The following ST7 variants were observed in gnomAD, a reference collection of about 807,000 sequenced individuals.
ST7 encodes suppressor of tumorigenicity 7 protein.
A neutral mutation model predicts 78.7 loss-of-function variants in ST7; 28 were observed. The ratio of observed to expected loss-of-function variants is 0.36; its 90% CI spans 0.26 to 0.49. The LOEUF (loss-of-function observed/expected upper bound fraction) is 0.49. ST7 is among the 20% of genes least tolerant of loss of function. The pLI is 0.99. For missense variants in ST7, 418 were observed against 696.0 expected (o/e 0.60, Z 4.49); for synonymous variants, 247 against 249.6 (o/e 0.99, Z 0.10).
intron 7 of ST7, among the ~76,000 whole-genome samples, chr7:117,135,305 A>G (rs1804700418): frequency 6.6e-6 from 1 of 152,118 alleles, no homozygotes; most frequent in African/African-American, 2.4e-5. Context: ...GAGATGATAT[A>G]TGTTAAGTGC....
At chr7:116,973,641 C>T (rs929391314) in intron 1 of ST7, among the ~76,000 whole-genome samples, 5 of 152,122 alleles carry the variant, frequency 3.3e-5, no homozygotes, top group African/African-American at 9.7e-5. Context: ...TATTGGTAAC[C>T]ATTGTCCTGA....
At chr7:117,118,548 G>A (rs1803093714) in intron 2 of ST7, 2 of 152,174 alleles carry the variant, frequency 1.3e-5, no homozygotes, top group African/African-American at 4.8e-5. Context: ...GAATAAGTAA[G>A]GGTAAAGGTA....
At chr7:117,006,050 C>T (rs1404574929) in intron 1 of ST7, among the ~76,000 whole-genome samples, 1 of 152,174 alleles carries the variant, frequency 6.6e-6, no homozygotes, top group Non-Finnish European at 1.5e-5. Flanking sequence ...TAGCTCATGT[C>T]TGTGAAAACT....
At chr7:117,201,581 C>G (rs917014212) in intron 12 of ST7, among the ~76,000 whole-genome samples, 1 of 150,620 alleles carries the variant, frequency 6.6e-6, no homozygotes, top group African/African-American at 2.5e-5. Context: ...TTCCATGAGA[C>G]AGGGTCTTGC....
intron 1 of ST7, chr7:116,972,271 T>C (rs1793465219): frequency 1.8e-6 from 1 of 557,806 alleles, no homozygotes; most frequent in Non-Finnish European, 3.4e-6. Flanking sequence ...AATTGTATTT[T>C]CCAGCTTGGC....
chr7:116,973,959 C>A (rs1793569271), intron 1 of ST7, among the ~76,000 whole-genome samples: 1 of 152,148 alleles, frequency 6.6e-6, no homozygotes, highest in African/African-American at 2.4e-5. Context: ...GTAATGGGAT[C>A]AACTAGGGAA....
Position 116,953,623 on chromosome 7 carries a change from T to A in ST7, c.83T>A (p.Phe28Tyr). 6.6e-7 allele frequency: 1 copy of A among 1,513,778 alleles called. No homozygotes were observed. 93.8% of individuals were successfully genotyped at this position (1,513,778 alleles called of 1,614,324 possible). A position where few individuals can be genotyped will look rare whatever the true frequency, so the allele number is the denominator to read the frequency against. Residue 28 changes from phenylalanine to tyrosine, a missense_variant, in exon 1 of 16, where the codon TTC becomes TAC. Phe to Tyr is a conservative substitution (Grantham distance 22, BLOSUM62 3). Coordinates refer to ENST00000323984, the MANE Select transcript of ST7 (RefSeq NM_001369598.1). ...TGGACGTATCTGTGGACCGTGTGGT[T>A]CTTCATCGTGCTATTCCTGGTCTAC... is the stretch of plus-strand genomic sequence containing the variant. ...WSWTYLWTVW[F>Y]FIVLFLVYIL...
At chr7:117,058,828 G>A (rs1425681442) in intron 1 of ST7, among the ~76,000 whole-genome samples, 1 of 152,176 alleles carries the variant, frequency 6.6e-6, no homozygotes, top group East Asian at 1.9e-4. Context: ...TAAAGAAAAT[G>A]TGGTACATAT....
intron 1 of ST7, among the ~76,000 whole-genome samples, chr7:116,962,700 G>A (rs1020524866): frequency 6.6e-6 from 1 of 152,100 alleles, no homozygotes; most frequent in South Asian, 2.1e-4. Flanking sequence ...TGGGCAGATG[G>A]GTAGATTGCA....
intron 10 of ST7, among the ~76,000 whole-genome samples, chr7:117,184,654 A>G (rs1405309458): frequency 8.5e-5 from 13 of 152,196 alleles, no homozygotes; most frequent in South Asian, 6.2e-4. Flanking sequence ...ATAAAGGGGT[A>G]GCACCAGGGA....
chr7:117,067,524 C>T (rs779840457), intron 1 of ST7, among the ~76,000 whole-genome samples: 3 of 152,010 alleles, frequency 2.0e-5, no homozygotes, highest in Non-Finnish European at 4.4e-5. Context: ...TTGAAAATTA[C>T]TGAGAAGATA....
intron 2 of ST7, among the ~76,000 whole-genome samples, chr7:117,114,008 C>T (rs1307493258): frequency 1.3e-5 from 2 of 152,182 alleles, no homozygotes; most frequent in Admixed American, 6.5e-5. Context: ...TGGCTGTTGA[C>T]CTTGAAGAGA....
At chr7:117,020,447 G>C in intron 1 of ST7, 1 of 742,316 alleles carries the variant, frequency 1.3e-6, no homozygotes, top group Non-Finnish European at 2.1e-6. Flanking sequence ...GGAGAATCTG[G>C]CAGCTGGACA....
At chr7:117,047,541 G>A (rs1162397128) in intron 1 of ST7, among the ~76,000 whole-genome samples, 2 of 152,154 alleles carry the variant, frequency 1.3e-5, no homozygotes, top group Admixed American at 1.3e-4. Flanking sequence ...TGCATGTCTA[G>A]CTGCAATCCA....
At chr7:117,218,941 C>G in intron 13 of ST7, 143 bp from the exon 14 acceptor site, 1 of 623,666 alleles carries the variant, frequency 1.6e-6, no homozygotes, top group Non-Finnish European at 2.8e-6. Flanking sequence ...GACATTTCAT[C>G]TGGCACATAG....
intron 8 of ST7, 164 bp downstream of exon 8, chr7:117,136,399 G>A: frequency 1.3e-6 from 1 of 766,200 alleles, no homozygotes; most frequent in Non-Finnish European, 2.1e-6. Flanking sequence ...AGTGCAGTTA[G>A]TAAATAATTA....
intron 13 of ST7, among the ~76,000 whole-genome samples, chr7:117,215,700 A>G (rs1302668207): frequency 6.6e-6 from 1 of 151,990 alleles, no homozygotes; most frequent in Non-Finnish European, 1.5e-5. Flanking sequence ...CAGCACCATG[A>G]CTCCCTTGGA....
At position 117,099,809 on chromosome 7, in the gene ST7, A is replaced by C; in HGVS notation, c.199A>C (p.Thr67Pro). Residue 67 changes from threonine (T) to proline (P), a missense_variant, in exon 2 of 16, where the codon ACA becomes CCA. Physicochemically the swap from Thr to Pro is conservative, Grantham distance 38 (BLOSUM62 -1). Transcript: ENST00000323984. Reference protein sequence around the residue: ...TLTPKFYVALTGTSSLISGLI... With the variant: ...TLTPKFYVALPGTSSLISGLI... Reference sequence around the variant, plus strand: ...AACACCGAAGTTCTACGTGGCCCTAACAGGCACTTCCTCACTAATATCAGG... The same window carrying C: ...AACACCGAAGTTCTACGTGGCCCTACCAGGCACTTCCTCACTAATATCAGG... 1 of 1,613,782 alleles carries C rather than the reference A, an allele frequency of 6.2e-7. No homozygotes were observed. The highest frequency in any genetic ancestry group is 8.5e-7 in the Non-Finnish European group (1 of 1,179,860).
intron 1 of ST7, among the ~76,000 whole-genome samples, chr7:117,084,680 C>T (rs1274764747): frequency 6.6e-6 from 1 of 152,232 alleles, no homozygotes; most frequent in East Asian, 1.9e-4. Context: ...AAGCATTTAG[C>T]CCATTGCTGG....
Sources: gnomAD v4.1 joint callset for allele counts (sites outside exome capture counted in the v4.1 genomes callset) on GRCh38, gnomAD v4.1.1 for gene constraint, MANE v1.5 for transcripts, NCBI Gene and HGNC (gene_info 2026-07-23, HGNC 2026-07-21) for gene names.